The following SNTG1 variants were observed in gnomAD, a reference collection of about 807,000 sequenced individuals.
The protein encoded by SNTG1 is syntrophin gamma 1, also known as gamma-1-syntrophin.
Under a neutral mutation model 74.7 loss-of-function variants are expected in SNTG1, and 39 were observed. The observed-to-expected ratio is 0.52, with a 90% CI of 0.40 to 0.68. The LOEUF is 0.68. SNTG1 is among the 30% of genes least tolerant of loss of function. The pLI is 0.00. For synonymous variants in SNTG1, 254 were observed against 217.1 expected (o/e 1.17, Z -1.49); for missense variants, 685 against 609.5 (o/e 1.12, Z -1.30).
chr8:50,619,502 C>T (rs1315441025), intron 13 of SNTG1, among the ~76,000 whole-genome samples: 1 of 152,006 alleles, frequency 6.6e-6, no homozygotes, highest in Non-Finnish European at 1.5e-5. Context: ...GAGGCCGAGG[C>T]GGGCAGATCA....
intron 2 of SNTG1, among the ~76,000 whole-genome samples, chr8:50,311,485 G>C (rs1006847976): frequency 2.6e-5 from 4 of 152,168 alleles, no homozygotes; most frequent in African/African-American, 9.7e-5. Flanking sequence ...CCCTTGAGTG[G>C]ATACATTGAG....
intron 8 of SNTG1, chr8:50,491,038 C>G (rs1335353766): frequency 6.5e-6 from 1 of 152,986 alleles, no homozygotes; most frequent in African/African-American, 2.4e-5. Context: ...TGCTTGGAAA[C>G]CTTGGACACA....
intron 17 of SNTG1, among the ~76,000 whole-genome samples, chr8:50,740,275 G>GA (rs139166958): frequency 6.4e-4 from 80 of 124,528 alleles, no homozygotes; most frequent in East Asian, 3.4e-3. Context: ...AAATTTACAA[G>GA]AAAAAAAAAA....
intron 1 of SNTG1, among the ~76,000 whole-genome samples, chr8:50,036,590 A>G (rs1818187687): frequency 6.6e-6 from 1 of 152,212 alleles, no homozygotes; most frequent in Non-Finnish European, 1.5e-5. Flanking sequence ...GGACAGGCAG[A>G]AAGTCTCATT....
At chr8:50,485,292 A>G (rs1563456079) in intron 8 of SNTG1, among the ~76,000 whole-genome samples, 1 of 152,244 alleles carries the variant, frequency 6.6e-6, no homozygotes, top group Non-Finnish European at 1.5e-5. Context: ...CAGTGATGTC[A>G]GTATTATTAG....
At chr8:50,077,413 A>C (rs993627718) in intron 1 of SNTG1, among the ~76,000 whole-genome samples, 3 of 152,032 alleles carry the variant, frequency 2.0e-5, no homozygotes, top group Non-Finnish European at 4.4e-5. Context: ...CAGAGCAATA[A>C]TTTTTTCTGT....
At chr8:50,182,074 T>C (rs2083225265) in intron 2 of SNTG1, among the ~76,000 whole-genome samples, 1 of 152,214 alleles carries the variant, frequency 6.6e-6, no homozygotes, top group African/African-American at 2.4e-5. Context: ...CAAGTGGTGA[T>C]ATCATATTAA....
chr8:50,200,688 G>A (rs2083952807), intron 2 of SNTG1, among the ~76,000 whole-genome samples: 1 of 152,046 alleles, frequency 6.6e-6, no homozygotes. Flanking sequence ...TACCTCAACT[G>A]ATGACAGACA....
chr8:50,699,224 AG>A (rs71235320), intron 15 of SNTG1, among the ~76,000 whole-genome samples: 85,376 of 151,688 alleles, frequency 0.56, 26,101 homozygotes, highest in East Asian at 0.67. Context: ...AAAGAAAAAA[AG>A]TCTGGGTAGG....
At chr8:50,104,861 C>T (rs1330371624) in intron 1 of SNTG1, among the ~76,000 whole-genome samples, 4 of 152,160 alleles carry the variant, frequency 2.6e-5, no homozygotes, top group South Asian at 2.1e-4. Flanking sequence ...TGTTCATGCC[C>T]TCTGTCCACT....
intron 1 of SNTG1, among the ~76,000 whole-genome samples, chr8:50,104,880 G>T (rs1469892744): frequency 6.6e-6 from 1 of 151,908 alleles, no homozygotes; most frequent in Non-Finnish European, 1.5e-5. Context: ...CTTTTCAATG[G>T]GGTTGTTTGT....
intron 2 of SNTG1, among the ~76,000 whole-genome samples, chr8:50,175,492 C>T (rs1044058773): frequency 2.0e-5 from 3 of 152,226 alleles, no homozygotes; most frequent in Admixed American, 1.3e-4. Flanking sequence ...GAAGCTGAAA[C>T]TTCCAGAATT....
At chr8:50,143,543 A>G (rs980537749) in intron 1 of SNTG1, among the ~76,000 whole-genome samples, 2 of 152,218 alleles carry the variant, frequency 1.3e-5, no homozygotes, top group Admixed American at 6.5e-5. Context: ...TCAAGTGTCT[A>G]TGGATACTCT....
intron 1 of SNTG1, among the ~76,000 whole-genome samples, chr8:50,096,223 G>A (rs2079922286): frequency 3.3e-5 from 5 of 152,118 alleles, no homozygotes; most frequent in Admixed American, 3.3e-4. Flanking sequence ...CTTCTTGACA[G>A]TATTGAATTT....
At chr8:49,948,271 T>G (rs2129387117) in intron 1 of SNTG1, among the ~76,000 whole-genome samples, 1 of 152,368 alleles carries the variant, frequency 6.6e-6, no homozygotes, top group South Asian at 2.1e-4. Context: ...TTAACTCAAT[T>G]CATGTTCTAA....
chr8:50,613,855 T>C (rs972443961), intron 13 of SNTG1, among the ~76,000 whole-genome samples: 3 of 152,152 alleles, frequency 2.0e-5, no homozygotes, highest in South Asian at 2.1e-4. Context: ...CCATAGATTA[T>C]ACCAAAATCC....
At chr8:50,623,690 TTTG>T (rs1204747909) in intron 13 of SNTG1, among the ~76,000 whole-genome samples, 2 of 139,414 alleles carry the variant, frequency 1.4e-5, no homozygotes, top group Non-Finnish European at 3.1e-5. Context: ...TTTGAAAATA[TTTG>T]TTTTTATATA....
At chr8:50,643,114 A>C (rs1190610788) in intron 13 of SNTG1, among the ~76,000 whole-genome samples, 1 of 152,238 alleles carries the variant, frequency 6.6e-6, no homozygotes, top group East Asian at 1.9e-4. Context: ...GCCTGGAATT[A>C]TTTGAATTGT....
intron 9 of SNTG1, among the ~76,000 whole-genome samples, chr8:50,505,838 T>C (rs1114808): frequency 0.28 from 41,833 of 151,946 alleles, 7,371 homozygotes; most frequent in African/African-American, 0.5. Context: ...TTTATTTATT[T>C]TACAAAATTT....
Sources: allele counts gnomAD v4.1 joint callset (sites outside exome capture counted in the v4.1 genomes callset), GRCh38; gene constraint gnomAD v4.1.1; transcripts MANE v1.5; gene names NCBI Gene and HGNC (gene_info 2026-07-23, HGNC 2026-07-21).